PAK4: variants seen among roughly 807,000 people sequenced by gnomAD.
PAK4 encodes serine/threonine-protein kinase PAK 4.
Under a neutral mutation model 53.5 loss-of-function variants are expected in PAK4, and 49 were observed. The ratio of observed to expected loss-of-function variants is 0.92; its 90% confidence interval spans 0.73 to 1.16. The LOEUF (loss-of-function observed/expected upper bound fraction) is 1.16, where lower values mean the gene tolerates loss of function less well. Ranked by LOEUF, PAK4 falls within the 50% of genes most tolerant of loss-of-function variation. The pLI, the probability that PAK4 is intolerant of heterozygous loss-of-function variation, is 0.00. For missense variants in PAK4, 824 were observed against 850.7 expected, an observed-to-expected ratio of 0.97 and a Z score of 0.39; for synonymous variants, 376 against 375.6, an observed-to-expected ratio of 1.00 and a Z score of -0.01.
intron 1 of PAK4, among the ~76,000 whole-genome samples, chr19:39,158,060 GTGTGTGTGAGCATGCA>G (rs2074216480): frequency 7.1e-6 from 1 of 140,344 alleles, no homozygotes; most frequent in African/African-American, 2.5e-5. Context: ...ATTTGTGAGC[GTGTGTGTGAGCATGCA>G]TGTGTGTGTG....
intron 1 of PAK4, among the ~76,000 whole-genome samples, chr19:39,130,157 G>C (rs1184183392): frequency 6.7e-6 from 1 of 149,518 alleles, no homozygotes; most frequent in Non-Finnish European, 1.5e-5. Context: ...GGGTCAGGGT[G>C]GGGTGGTGGG....
chr19:39,137,272 C>T (rs1317678963), intron 1 of PAK4, among the ~76,000 whole-genome samples: 1 of 152,128 alleles, frequency 6.6e-6, no homozygotes, highest in African/African-American at 2.4e-5. Context: ...CTGGAGCCAT[C>T]TGGGGCACCC....
chr19:39,171,792 C>T (rs1411344869), intron 2 of PAK4, among the ~76,000 whole-genome samples: 1 of 152,226 alleles, frequency 6.6e-6, no homozygotes, highest in African/African-American at 2.4e-5. Context: ...GGGTCCTTGT[C>T]AGCAGGGCCC....
chr19:39,153,749 T>C (rs992233093), intron 1 of PAK4, among the ~76,000 whole-genome samples: 1 of 152,082 alleles, frequency 6.6e-6, no homozygotes, highest in African/African-American at 2.4e-5. Context: ...GCCTTAATTT[T>C]AATTCTCTAA....
Position 39,177,546 on chromosome 19 carries a change from A to T in PAK4, c.1486-129A>T, listed in dbSNP as rs923543729. ...GTGGACTGCTGGCTGGGTGCCCAAG[A>T]GGGAGTTCTGGGCCAAGGACTCCAG... is the stretch of plus-strand genomic sequence containing the variant. On this transcript the variant is annotated intron_variant, in intron 7 of 8. Coordinates refer to ENST00000358301, the Ensembl canonical transcript of PAK4. 7.0e-5 allele frequency: 69 copies of T among 979,252 alleles called. No individual in the cohort carries two copies. The Middle Eastern group carries it at 1.2e-3, about 17-fold the overall frequency. The allele number at this position is 979,252 out of a possible 1,614,324, so 60.7% of individuals were successfully genotyped here.
intron 7 of PAK4, among the ~76,000 whole-genome samples, chr19:39,177,323 A>G (rs1194323574): frequency 6.6e-6 from 1 of 152,188 alleles, no homozygotes; most frequent in Non-Finnish European, 1.5e-5. Context: ...TGATTGGCTC[A>G]GCCTGGGTCC....
intron 1 of PAK4, among the ~76,000 whole-genome samples, chr19:39,135,382 C>T (rs895625313): frequency 4.6e-5 from 6 of 129,382 alleles, no homozygotes; most frequent in Non-Finnish European, 9.3e-5. Flanking sequence ...GTCACCAGGG[C>T]TGGAGTGCAG....
intron 1 of PAK4, among the ~76,000 whole-genome samples, chr19:39,132,525 C>T (rs1046012218): frequency 1.3e-5 from 2 of 152,266 alleles, no homozygotes; most frequent in East Asian, 1.9e-4. Context: ...AGTGCCGCCT[C>T]GTGTCCCACG....
rs764083744 is a variant in PAK4, at chr19:39,174,016, G to A, written c.1098+6G>A. On this transcript the variant is annotated splice_donor_region_variant and intron_variant, in intron 4 of 8. Transcript: ENST00000358301. ...GCGAGCTGCTCTTCAACGAGGTGCG[G>A]GCGCTGCTGCCCTGCCGCCCTGCTG... is the stretch of plus-strand genomic sequence containing the variant. 1 of 1,559,638 alleles carries A rather than the reference G, an allele frequency of 6.4e-7. No homozygotes were observed. The highest frequency in any genetic ancestry group is 8.6e-7 in the Non-Finnish European group (1 of 1,156,128).
In PAK4 at chr19:39,161,261, G is replaced by T. The variant is rs1036020460; in HGVS notation, c.-22-8271G>T. Among the ~76,000 whole-genome samples, 1 of 152,226 alleles carries T rather than the reference G, an allele frequency of 6.6e-6. No homozygotes were observed. The highest frequency in any genetic ancestry group is 1.5e-5 in the Non-Finnish European group (1 of 68,034). The stretch of plus-strand genomic sequence containing the variant: ...CCATATGAGTCACTGACTTAGCGAG[G>T]AAGATGGCCACAGACAGGCAAACAA... On this transcript the variant is annotated intron_variant, in intron 1 of 8. Transcript: ENST00000358301. The surrounding 1 kb of genome is among the most constrained non-coding windows in gnomAD (Gnocchi z 4.5).
intron 8 of PAK4, 25 bp downstream of exon 9, chr19:39,177,834 CTG>C (rs762311993): frequency 2.1e-5 from 33 of 1,593,054 alleles, no homozygotes; most frequent in East Asian, 1.6e-4. Context: ...GGCTGGGAAA[CTG>C]TGCGCCAGCT....
chr19:39,176,335 C>T (rs561715313), intron 6 of PAK4, among the ~76,000 whole-genome samples: 3 of 152,346 alleles, frequency 2.0e-5, no homozygotes, highest in Admixed American at 2.0e-4. Flanking sequence ...GGCCAGTGTC[C>T]CCAAAAGCCC....
downstream of PAK4, chr19:39,180,217 AAC>A (rs1368000481): frequency 6.6e-6 from 1 of 152,322 alleles, no homozygotes; most frequent in Non-Finnish European, 1.5e-5. Context: ...GCCAAGTGCA[AAC>A]ACAGCCTAGA....
intron 1 of PAK4, among the ~76,000 whole-genome samples, chr19:39,157,485 C>A (rs1302290649): frequency 6.6e-6 from 1 of 152,184 alleles, no homozygotes; most frequent in Non-Finnish European, 1.5e-5. Flanking sequence ...GCTGGCTGAG[C>A]CGCGGCCTTC....
chr19:39,133,820 C>T (rs1250816891), intron 1 of PAK4, among the ~76,000 whole-genome samples: 1 of 152,222 alleles, frequency 6.6e-6, no homozygotes, highest in African/African-American at 2.4e-5. Context: ...GGTTTTGCCA[C>T]TCCCACACTT....
chr19:39,172,843 C>T, intron 2 of PAK4, 75 bp from the exon 4 acceptor site: 1 of 1,236,276 alleles, frequency 8.1e-7, no homozygotes, highest in East Asian at 2.6e-5. Context: ...GCTGTCCTGT[C>T]CCTGCGTGTC....
Position 39,137,438 on chromosome 19 carries a change from T to C in PAK4, c.-23+11519T>C, listed in dbSNP as rs374596847. Among the ~76,000 whole-genome samples, 8 of 152,298 alleles carry C rather than the reference T, an allele frequency of 5.3e-5. No individual in the cohort carries two copies. In the East Asian group the frequency reaches 1.4e-3, roughly 26 times the overall value. ...CGGCCAGTGCTCCCAAGCTGCTGCC[T>C]GGGCCTCCCTGAAATCCCAGGAGGT... On this transcript the variant is annotated intron_variant, in intron 1 of 8. Transcript: ENST00000358301.
Position 39,173,190 on chromosome 19 carries a change from G to T in PAK4, c.477G>T (p.Arg159Ser), listed in dbSNP as rs1172447216. 7 of 1,545,594 alleles carry T rather than the reference G, an allele frequency of 4.5e-6. No homozygotes were observed. The East Asian group carries it at 9.7e-5, about 21-fold the overall frequency. ...GGCGACGGGCGGGGCCAGAGAAGAG[G>T]CCCAAGTCTTCCAGGGAGGGCTCAG... The change falls in exon 3 of 9, where the codon AGG becomes AGT. Residue 159 changes from arginine (R) to serine (S), a missense_variant. By Grantham distance (110) the Arg-to-Ser change is moderately radical. Transcript: ENST00000358301. This position sits in a 1 kb window ranked among gnomAD's most constrained non-coding sequence, Gnocchi z 6.9.
chr19:39,174,886 G>A, intron 4 of PAK4, 45 bp from the exon 6 acceptor site: 1 of 1,610,272 alleles, frequency 6.2e-7, no homozygotes, highest in East Asian at 2.2e-5. Context: ...TCTGGCACTG[G>A]CAGCCCTCCC....
Sources: allele counts gnomAD v4.1 joint callset (sites outside exome capture counted in the v4.1 genomes callset), GRCh38; gene constraint gnomAD v4.1.1; non-coding constraint Gnocchi (gnomAD v3.1); transcripts MANE v1.5; gene names NCBI Gene and HGNC (gene_info 2026-07-23, HGNC 2026-07-21).